Variants in SMIM31 observed in about 807,000 individuals in gnomAD.
SMIM31 encodes human epithelial cell program regulator.
rs72177805 is a variant in SMIM31 at position 164,788,478 on chromosome 4, C to CTTT, written c.113-12587_113-12585dup. 3.0e-3 allele frequency among the ~76,000 whole-genome samples: 174 copies of CTTT among 58,178 alleles called. 40 individuals are homozygous for CTTT. The highest frequency in any genetic ancestry group is 8.7e-3 in the African/African-American group (120 of 13,852). 38.2% of individuals were successfully genotyped at this position (58,178 alleles called of 152,430 possible). On this transcript the variant is annotated intron_variant, in intron 2 of 2. Transcript: ENST00000507311. ...ATAAAATTTCTTTCTTCTAATTTTT[C>CTTT]TTTTTTTTTTTTTTTTTTTTTTTTT...
At chr4:164,795,087 T>C (rs1733172141) in intron 2 of SMIM31, among the ~76,000 whole-genome samples, 1 of 152,198 alleles carries the variant, frequency 6.6e-6, no homozygotes, top group Non-Finnish European at 1.5e-5. Flanking sequence ...CTGCAAGTTC[T>C]AAATTTGGCT....
chr4:164,754,491 G>T (rs2110910393), intron 1 of SMIM31, 80 bp downstream of exon 1: 1 of 135,218 alleles, frequency 7.4e-6, no homozygotes, highest in Admixed American at 7.9e-5. Flanking sequence ...ATATGGACTA[G>T]AAATGTAATA....
intron 1 of SMIM31, among the ~76,000 whole-genome samples, chr4:164,769,072 G>GC (rs1560825455): frequency 6.6e-6 from 1 of 151,952 alleles, no homozygotes. Context: ...ACCCCATATG[G>GC]CCAACAAGCT....
intron 2 of SMIM31, among the ~76,000 whole-genome samples, chr4:164,794,897 AT>A (rs11322279): frequency 0.021 from 3,157 of 151,838 alleles, 81 homozygotes; most frequent in African/African-American, 0.07. Context: ...GTATAAAAAT[AT>A]TTTTTAAAAA....
chr4:164,781,129 T>TACACACACAC (rs138037586), intron 2 of SMIM31, among the ~76,000 whole-genome samples: 1,509 of 144,520 alleles, frequency 0.01, 33 homozygotes, highest in African/African-American at 0.036. Flanking sequence ...TACATTTACA[T>TACACACACAC]ACACACACAC....
At chr4:164,784,830 A>G (rs73003126) in intron 2 of SMIM31, among the ~76,000 whole-genome samples, 7,424 of 151,956 alleles carry the variant, frequency 0.049, 587 homozygotes, top group African/African-American at 0.17. Context: ...ATTAGTAGCC[A>G]TACACAAAAT....
At chr4:164,789,507 CTA>C (rs2110956294) in intron 2 of SMIM31, among the ~76,000 whole-genome samples, 1 of 152,262 alleles carries the variant, frequency 6.6e-6, no homozygotes, top group East Asian at 1.9e-4. Context: ...TTTGTCCACT[CTA>C]AGAGAAAATT....
intron 2 of SMIM31, among the ~76,000 whole-genome samples, chr4:164,796,191 C>A (rs1368044161): frequency 1.3e-5 from 2 of 152,200 alleles, no homozygotes; most frequent in Admixed American, 6.5e-5. Flanking sequence ...GTTCAAACCA[C>A]CATGTGTAAA....
rs1274184466 is a variant in SMIM31, at chr4:164,775,190, TTTCCCCTTA to T, written c.112+4637_112+4645del. Among the ~76,000 whole-genome samples, 5 of 152,298 alleles carry T rather than the reference TTTCCCCTTA, an allele frequency of 3.3e-5. No individual in the cohort carries two copies. In the East Asian group the frequency reaches 9.6e-4, roughly 29 times the overall value. On this transcript the variant is annotated intron_variant, in intron 2 of 2. Transcript: ENST00000507311. The stretch of plus-strand genomic sequence containing the variant: ...AAATGGCTTAAGGAAAAGAACTACC[TTTCCCCTTA>T]TGACATAGATAAGACTCACTGTCCA...
chr4:164,778,107 G>A (rs1325255039), intron 2 of SMIM31, among the ~76,000 whole-genome samples: 1 of 152,194 alleles, frequency 6.6e-6, no homozygotes, highest in Non-Finnish European at 1.5e-5. Flanking sequence ...CATAAACCTG[G>A]CCACATGCAG....
intron 1 of SMIM31, among the ~76,000 whole-genome samples, chr4:164,765,624 G>GA (rs200574845): frequency 0.2 from 19,216 of 94,366 alleles, 1,683 homozygotes; most frequent in African/African-American, 0.28. Context: ...CTTTGTCTCA[G>GA]AAAAAAAAAA....
At chr4:164,770,927 G>C (rs1008418645) in intron 2 of SMIM31, among the ~76,000 whole-genome samples, 2 of 152,138 alleles carry the variant, frequency 1.3e-5, no homozygotes, top group African/African-American at 4.8e-5. Context: ...AGTTACCATA[G>C]TTCAGGGCCC....
chr4:164,762,662 C>CAAAAAAAAAAAAAA (rs1162067333), intron 1 of SMIM31, among the ~76,000 whole-genome samples: 11 of 100,100 alleles, frequency 1.1e-4, no homozygotes, highest in African/African-American at 2.5e-4. Flanking sequence ...GACTCTGTCT[C>CAAAAAAAAAAAAAA]AAAAAAAAAA....
intron 2 of SMIM31, among the ~76,000 whole-genome samples, chr4:164,785,326 T>G (rs1209338126): frequency 6.6e-6 from 1 of 152,266 alleles, no homozygotes; most frequent in Admixed American, 6.5e-5. Context: ...CCAAAATGGG[T>G]TTCTTTAACT....
At chr4:164,774,813 T>G (rs1485053420) in intron 2 of SMIM31, among the ~76,000 whole-genome samples, 1 of 152,240 alleles carries the variant, frequency 6.6e-6, no homozygotes, top group East Asian at 1.9e-4. Flanking sequence ...TTTGTTTTGC[T>G]ATTTTATATT....
chr4:164,775,160 C>T (rs1732863049), intron 2 of SMIM31, among the ~76,000 whole-genome samples: 1 of 152,176 alleles, frequency 6.6e-6, no homozygotes, highest in Non-Finnish European at 1.5e-5. Context: ...CTCTTATTTT[C>T]CAGGAAATGG....
intron 1 of SMIM31, among the ~76,000 whole-genome samples, chr4:164,755,534 AGGAGAGGAGGGGAGG>A (rs1732548004): frequency 1.6e-4 from 4 of 25,800 alleles, no homozygotes; most frequent in African/African-American, 4.0e-4. Context: ...AGGGAGGGAG[AGGAGAGGAGGGGAGG>A]GGAGGGGAGG....
intron 2 of SMIM31, among the ~76,000 whole-genome samples, chr4:164,794,256 G>A (rs1733146168): frequency 6.6e-6 from 1 of 152,084 alleles, no homozygotes; most frequent in Non-Finnish European, 1.5e-5. Flanking sequence ...GTGCACGCCT[G>A]TAGTTCCAGC....
intron 2 of SMIM31, among the ~76,000 whole-genome samples, chr4:164,776,438 A>C: frequency 6.6e-6 from 1 of 152,196 alleles, no homozygotes; most frequent in East Asian, 1.9e-4. Flanking sequence ...AAAATTAGCC[A>C]ATTACCAGTC....
Sources: gnomAD v4.1 joint callset for allele counts (sites outside exome capture counted in the v4.1 genomes callset) on GRCh38, gnomAD v4.1.1 for gene constraint, MANE v1.5 for transcripts, NCBI Gene and HGNC (gene_info 2026-07-23, HGNC 2026-07-21) for gene names.